The following BTF3L4 variants were observed in gnomAD, a reference collection of about 807,000 sequenced individuals.
The protein encoded by BTF3L4 is transcription factor BTF3 homolog 4.
BTF3L4 carries 6 observed loss-of-function variants against 16.8 expected under a neutral mutation model. The observed-to-expected ratio is 0.36, with a 90% CI of 0.20 to 0.71. The LOEUF is 0.71. Among genes scored for constraint, BTF3L4 ranks in the 30% least tolerant of loss-of-function variants. BTF3L4 has a pLI of 0.58. For missense variants in BTF3L4, 92 were observed against 186.9 expected (o/e 0.49, Z 2.96); for synonymous variants, 39 against 59.8 (o/e 0.65, Z 1.60).
chr1:52,066,857 T>A (rs1265948465), intron 3 of BTF3L4, among the ~76,000 whole-genome samples: 3 of 151,120 alleles, frequency 2.0e-5, no homozygotes, highest in Non-Finnish European at 2.9e-5. Context: ...AAAAAAAAAA[T>A]TTAATCATTA....
At chr1:52,062,691 G>A (rs183767750) in intron 2 of BTF3L4, among the ~76,000 whole-genome samples, 18 of 152,160 alleles carry the variant, frequency 1.2e-4, no homozygotes, top group African/African-American at 3.1e-4. Context: ...AGCTGCTGGC[G>A]TTGTGGAAAA....
At chr1:52,064,424 A>G (rs1319722836) in intron 2 of BTF3L4, among the ~76,000 whole-genome samples, 1 of 152,180 alleles carries the variant, frequency 6.6e-6, no homozygotes, top group African/African-American at 2.4e-5. Context: ...AATTCCCCAA[A>G]TTTCAGAATA....
intron 3 of BTF3L4, among the ~76,000 whole-genome samples, chr1:52,067,014 A>G (rs1686668814): frequency 6.6e-6 from 1 of 152,146 alleles, no homozygotes; most frequent in African/African-American, 2.4e-5. Context: ...AGGTGGGCAG[A>G]TCTTCTGAGG....
chr1:52,075,027 G>A (rs1005068798), intron 3 of BTF3L4, among the ~76,000 whole-genome samples: 2 of 151,408 alleles, frequency 1.3e-5, no homozygotes, highest in Admixed American at 1.3e-4. Context: ...AAGGTGCTAG[G>A]ATTACGGGCA....
At chr1:52,073,493 TACACACACAC>T (rs142147737) in intron 3 of BTF3L4, among the ~76,000 whole-genome samples, 48 of 139,346 alleles carry the variant, frequency 3.4e-4, no homozygotes, top group Non-Finnish European at 5.2e-4. Context: ...ATATGCTACA[TACACACACAC>T]ACACACACAC....
chr1:52,064,214 A>T (rs536169233), intron 2 of BTF3L4, among the ~76,000 whole-genome samples: 2 of 152,174 alleles, frequency 1.3e-5, no homozygotes, highest in African/African-American at 4.8e-5. Context: ...CTCAACTCAT[A>T]TGTTACCTCT....
Position 52,059,881 on chromosome 1 carries a change from C to T in BTF3L4, c.34C>T (p.Gln12Ter), listed in dbSNP as rs774583297. The T allele has an allele frequency of 6.2e-7, 1 of 1,612,922 alleles. No homozygotes were observed. The highest frequency in any genetic ancestry group is 1.7e-5 in the Admixed American group (1 of 59,860). ...AGAAAAGTTAGCCAAACTTCAGGCT[C>T]AGGTCCGGATAGGGGGCAAGGTGAG... ...NQEKLAKLQA[Q>*]VRIGGKGTAR... Residue 12 changes from glutamine to a stop codon, truncating the protein, a stop_gained, in exon 2 of 6, where the codon CAG (glutamine) becomes TAG (stop). Coordinates refer to ENST00000313334, the MANE Select transcript of BTF3L4 (RefSeq NM_152265.5). LOFTEE classifies it high-confidence loss of function.
chr1:52,078,830 C>T (rs1262227777), intron 3 of BTF3L4, among the ~76,000 whole-genome samples: 2 of 152,070 alleles, frequency 1.3e-5, no homozygotes, highest in Non-Finnish European at 2.9e-5. Context: ...GCATCCTTTA[C>T]CTTCAGCTAT....
Position 52,073,280 on chromosome 1 carries a change from G to A in BTF3L4, c.168+8342G>A, listed in dbSNP as rs533685305. On this transcript the variant is annotated intron_variant, in intron 3 of 5. Transcript: ENST00000313334. ...ACCTCGGCAACAAGAGTGAAACTCC[G>A]TCTCAAAAAAAAATATGTATCTGTA... Among the ~76,000 whole-genome samples, 11 of 151,632 alleles carry A rather than the reference G, an allele frequency of 7.3e-5. No homozygotes were observed. The South Asian group carries it at 1.0e-3, about 14-fold the overall frequency.
chr1:52,087,817 A>G lies in BTF3L4; in HGVS notation c.*1059A>G, dbSNP rs1460441950. The G allele has an allele frequency of 6.6e-6, 1 of 152,634 alleles. No homozygotes were observed. The highest frequency in any genetic ancestry group is 1.5e-5 in the Non-Finnish European group (1 of 68,034). 9.5% of individuals were successfully genotyped at this position (152,634 alleles called of 1,614,324 possible). A position where few individuals can be genotyped will look rare whatever the true frequency, so the allele number is the denominator to read the frequency against. On this transcript the variant is annotated 3_prime_UTR_variant, in exon 6 of 6. Coordinates refer to ENST00000313334, the MANE Select transcript of BTF3L4 (RefSeq NM_152265.5). Reference sequence around the variant, plus strand: ...ATAGGCCATAGACTCATCTCCCAGCACAAATGGGCATTCTATGAAATGGTA... The same window carrying G: ...ATAGGCCATAGACTCATCTCCCAGCGCAAATGGGCATTCTATGAAATGGTA...
chr1:52,073,858 C>T lies in BTF3L4; in HGVS notation c.168+8920C>T, dbSNP rs575334747. Among the ~76,000 whole-genome samples the T allele has an allele frequency of 5.3e-5, 8 of 151,916 alleles. No homozygotes were observed. In the East Asian group the frequency reaches 9.7e-4, roughly 18 times the overall value. On this transcript the variant is annotated intron_variant, in intron 3 of 5. Transcript: ENST00000313334. ...ACTAAAAATACAAAAATTAGCCGGG[C>T]GTGGTGGTGGGCGTCTGTAATCCCA... is the stretch of plus-strand genomic sequence containing the variant.
intron 1 of BTF3L4, among the ~76,000 whole-genome samples, chr1:52,057,878 AGTTAATTTT>A (rs1369642872): frequency 2.0e-5 from 3 of 152,202 alleles, no homozygotes; most frequent in Non-Finnish European, 4.4e-5. Flanking sequence ...TGATTTGAAG[AGTTAATTTT>A]GTTCTTGCTT....
intron 3 of BTF3L4, among the ~76,000 whole-genome samples, chr1:52,073,379 C>T (rs1686842011): frequency 6.6e-6 from 1 of 151,860 alleles, no homozygotes; most frequent in Non-Finnish European, 1.5e-5. Context: ...AGACAATATT[C>T]AACCATAATC....
At position 52,085,013 on chromosome 1, in the gene BTF3L4, C is replaced by CTTT. The variant is rs764763479; in HGVS notation, c.371-1076_371-1074dup. On this transcript the variant is annotated intron_variant, in intron 4 of 5. Coordinates refer to ENST00000313334, the MANE Select transcript of BTF3L4 (RefSeq NM_152265.5). ...TTACACCAAAAGAAATGAAAAAAAT[C>CTTT]TTTTTTTTTTTTTTTTTTTTTTTTT... is the stretch of plus-strand genomic sequence containing the variant. Among the ~76,000 whole-genome samples the CTTT allele has an allele frequency of 4.4e-3, 256 of 58,532 alleles. 11 individuals carry two copies. The highest frequency in any genetic ancestry group is 8.1e-3 in the African/African-American group (119 of 14,728). The allele number at this position is 58,532 out of a possible 152,430, so 38.4% of individuals were successfully genotyped here. A position where few individuals can be genotyped will look rare whatever the true frequency, so the allele number is the denominator to read the frequency against.
chr1:52,068,290 G>A (rs1221589346), intron 3 of BTF3L4, among the ~76,000 whole-genome samples: 2 of 152,168 alleles, frequency 1.3e-5, no homozygotes, highest in Admixed American at 1.3e-4. Flanking sequence ...GATAGTCAAC[G>A]TTTATTAAAC....
At chr1:52,073,293 AT>A (rs759622837) in intron 3 of BTF3L4, among the ~76,000 whole-genome samples, 4 of 152,116 alleles carry the variant, frequency 2.6e-5, no homozygotes, top group Non-Finnish European at 5.9e-5. Context: ...TCAAAAAAAA[AT>A]ATGTATCTGT....
At chr1:52,056,710 G>A (rs1686368835) in intron 1 of BTF3L4, among the ~76,000 whole-genome samples, 1 of 152,254 alleles carries the variant, frequency 6.6e-6, no homozygotes, top group African/African-American at 2.4e-5. Flanking sequence ...TGTGCTTTGA[G>A]CTTTATACAG....
chr1:52,062,711 A>G (rs780670983), intron 2 of BTF3L4, among the ~76,000 whole-genome samples: 3 of 152,162 alleles, frequency 2.0e-5, no homozygotes, highest in Non-Finnish European at 4.4e-5. Context: ...ATGGAACAAA[A>G]TGGAAGTTTG....
At chr1:52,067,111 C>T (rs908760545) in intron 3 of BTF3L4, among the ~76,000 whole-genome samples, 4 of 152,002 alleles carry the variant, frequency 2.6e-5, no homozygotes, top group African/African-American at 9.7e-5. Context: ...TAGTGCGTGC[C>T]TGTAATCCCA....
Sources: gnomAD v4.1 joint callset for allele counts (sites outside exome capture counted in the v4.1 genomes callset) on GRCh38, gnomAD v4.1.1 for gene constraint, MANE v1.5 for transcripts, NCBI Gene and HGNC (gene_info 2026-07-23, HGNC 2026-07-21) for gene names.